TCF20: variants seen among roughly 807,000 people sequenced by gnomAD.
TCF20 encodes SPRE-binding protein.
TCF20 carries 3 observed loss-of-function variants against 148.6 expected under a neutral mutation model. That is an observed-to-expected ratio of 0.02 (90% CI 0.01 to 0.05). The LOEUF (loss-of-function observed/expected upper bound fraction) is 0.05, where lower values mean the gene tolerates loss of function less well. Among genes scored for constraint, TCF20 ranks in the 10% least tolerant of loss-of-function variants. TCF20 has a pLI of 1.00. For missense variants in TCF20, 2,350 were observed against 2,429.3 expected (o/e 0.97, Z 0.69); for synonymous variants, 1,049 against 909.5 (o/e 1.15, Z -2.76).
At chr22:42,219,297 C>A (rs1922109900) in intron 1 of TCF20, among the ~76,000 whole-genome samples, 1 of 134,640 alleles carries the variant, frequency 7.4e-6, no homozygotes, top group Admixed American at 8.4e-5. Flanking sequence ...GAGTTCGAGG[C>A]TGCAACGAGC....
At chr22:42,330,550 C>A (rs563906397) in intron 1 of TCF20, among the ~76,000 whole-genome samples, 5 of 152,346 alleles carry the variant, frequency 3.3e-5, no homozygotes, top group South Asian at 4.1e-4. Context: ...CCAAACCAGA[C>A]TGAAAACTCC....
intron 1 of TCF20, among the ~76,000 whole-genome samples, chr22:42,302,842 C>T (rs756229584): frequency 7.2e-5 from 11 of 152,216 alleles, no homozygotes; most frequent in South Asian, 2.1e-4. Context: ...GCTGGGACCC[C>T]GTCAGGTTCA....
At chr22:42,191,120 A>G (rs1312831668) in intron 2 of TCF20, among the ~76,000 whole-genome samples, 1 of 152,216 alleles carries the variant, frequency 6.6e-6, no homozygotes, top group Non-Finnish European at 1.5e-5. Context: ...GGAAAATTAA[A>G]GCATTACTCA....
intron 1 of TCF20, among the ~76,000 whole-genome samples, chr22:42,241,984 G>T (rs1047430005): frequency 6.6e-6 from 1 of 151,902 alleles, no homozygotes; most frequent in Admixed American, 6.6e-5. Flanking sequence ...GGGCAGATCA[G>T]GAAGTCAGGA....
intron 1 of TCF20, among the ~76,000 whole-genome samples, chr22:42,312,109 T>C (rs1187463548): frequency 6.6e-6 from 1 of 152,182 alleles, no homozygotes; most frequent in Non-Finnish European, 1.5e-5. Context: ...TGATAGGGTA[T>C]GTACTATATG....
chr22:42,210,114 G>A lies in TCF20; in HGVS notation c.5192C>T (p.Ala1731Val). Residue 1731 changes from alanine to valine, a missense_variant, in exon 2 of 6, where the codon GCC becomes GTC. Transcript: ENST00000677622. This position sits in a 1 kb window ranked among gnomAD's most constrained non-coding sequence, Gnocchi z 4.7. ...AGGAGGTGGATTCTTCGGGAGAGTGGCTGCATAATCTTGGGGATAAAAAGG... is the reference window on the plus strand; with the variant it reads ...AGGAGGTGGATTCTTCGGGAGAGTGACTGCATAATCTTGGGGATAAAAAGG... ...FGPFYPQDYAATLPKNPPPKR... is the reference protein window; with the variant it reads ...FGPFYPQDYAVTLPKNPPPKR... The A allele has an allele frequency of 6.2e-7, 1 of 1,614,114 alleles. No homozygotes were observed. Among genetic ancestry groups the A allele is most frequent in the African/African-American group, 1.3e-5 (1 of 75,030 alleles).
intron 2 of TCF20, 90 bp downstream of exon 2, chr22:42,209,561 A>C (rs1569141960): frequency 2.8e-6 from 4 of 1,420,980 alleles, no homozygotes; most frequent in Non-Finnish European, 3.8e-6. Flanking sequence ...TTGGAGGAAT[A>C]ATCATGTGAC....
rs765177363 is a variant in TCF20, at chr22:42,338,373, G to A, written c.-37+5106C>T. Among the ~76,000 whole-genome samples, 2 of 152,200 alleles carry A rather than the reference G, an allele frequency of 1.3e-5. No individual in the cohort carries two copies. Among genetic ancestry groups the A allele is most frequent in the African/African-American group, 4.8e-5 (2 of 41,442 alleles). On this transcript the variant is annotated intron_variant, in intron 1 of 1. Transcript: ENST00000515426. This position sits in a 1 kb window ranked among gnomAD's most constrained non-coding sequence, Gnocchi z 4.0. ...GCAGGCAGCAGATCTGCATTTTCACGGAGGCCTCAGGGGGACACAAAGCTT... is the reference window on the plus strand; with the variant it reads ...GCAGGCAGCAGATCTGCATTTTCACAGAGGCCTCAGGGGGACACAAAGCTT...
rs1329812715 is a variant in TCF20, at chr22:42,342,610, T to G, written c.-37+869A>C. On this transcript the variant is annotated intron_variant, in intron 1 of 1. Coordinates refer to the TCF20 transcript ENST00000515426. ...AGGCAGGGGCCTGCCAAGGGCCGGG[T>G]GTGTGGCTAGGCAGCCCCACCATGC... 3.3e-5 allele frequency among the ~76,000 whole-genome samples: 5 copies of G among 152,088 alleles called. No individual in the cohort carries two copies. In the East Asian group the frequency reaches 9.6e-4, roughly 29 times the overall value.
chr22:42,183,987 T>C (rs946223801), intron 2 of TCF20, among the ~76,000 whole-genome samples: 8 of 152,014 alleles, frequency 5.3e-5, no homozygotes, highest in Admixed American at 5.2e-4. Flanking sequence ...CAGGCTAGTC[T>C]TGAACTCCTG....
chr22:42,164,160 C>T (rs1028635949), intron 5 of TCF20, among the ~76,000 whole-genome samples: 6 of 151,764 alleles, frequency 4.0e-5, no homozygotes, highest in African/African-American at 7.3e-5. Context: ...TTAAGGGCAC[C>T]GATGGTCAGG....
intron 1 of TCF20, among the ~76,000 whole-genome samples, chr22:42,258,931 C>G (rs1467056609): frequency 1.3e-5 from 2 of 152,196 alleles, no homozygotes; most frequent in East Asian, 3.8e-4. Flanking sequence ...TTACTTTTCT[C>G]TAACAGCCAA....
chr22:42,182,818 C>A (rs1336232669), intron 2 of TCF20, among the ~76,000 whole-genome samples: 1 of 152,206 alleles, frequency 6.6e-6, no homozygotes, highest in Admixed American at 6.5e-5. Flanking sequence ...CTCACTGCAA[C>A]CTCCGACTCC....
At chr22:42,244,802 G>C (rs1237732311) in intron 1 of TCF20, among the ~76,000 whole-genome samples, 1 of 152,090 alleles carries the variant, frequency 6.6e-6, no homozygotes, top group Non-Finnish European at 1.5e-5. Context: ...AAATCTGGCT[G>C]GGCGCAGTGG....
rs143617414 is a variant in TCF20, at chr22:42,247,955, A to G, written c.-37+22384T>C. ...AAGTGACTTAAAAAGTGAATATTGT[A>G]GACTGATACAACCTTCTGGTTCATA... On this transcript the variant is annotated intron_variant, in intron 1 of 5. Transcript: ENST00000677622. Among the ~76,000 whole-genome samples the G allele has an allele frequency of 2.6e-3, 399 of 152,346 alleles. 2 individuals carry two copies. Among genetic ancestry groups the G allele is most frequent in the African/African-American group, 9.0e-3 (374 of 41,576 alleles).
At chr22:42,342,760 C>T (rs9620039) in intron 1 of TCF20, among the ~76,000 whole-genome samples, 56,646 of 152,034 alleles carry the variant, frequency 0.37, 11,386 homozygotes, top group Middle Eastern at 0.51. Context: ...GGATGACCCT[C>T]CCTCTAGGCC....
rs932379808 is a variant in TCF20, at chr22:42,193,499, TTTA to T, written c.5656-13800_5656-13798del. 5.3e-4 allele frequency among the ~76,000 whole-genome samples: 80 copies of T among 152,130 alleles called. 1 individual carries two copies. Among genetic ancestry groups the T allele is most frequent in the African/African-American group, 1.9e-3 (80 of 41,528 alleles). On this transcript the variant is annotated intron_variant, in intron 2 of 5. Coordinates refer to ENST00000677622, the MANE Select transcript of TCF20 (RefSeq NM_001378418.1). ...GGTGCATACCACTGCACTTGGCTGA[TTTA>T]TTTTTTGTAGAGATGGCATCTCACT...
chr22:42,322,758 GTGTC>G (rs1927757633), intron 1 of TCF20, among the ~76,000 whole-genome samples: 1 of 142,834 alleles, frequency 7.0e-6, no homozygotes, highest in Admixed American at 6.8e-5. Flanking sequence ...GAATGAATGA[GTGTC>G]TGAGTGAATG....
intron 1 of TCF20, among the ~76,000 whole-genome samples, chr22:42,243,081 C>T (rs995892326): frequency 3.3e-5 from 5 of 151,798 alleles, no homozygotes; most frequent in Admixed American, 2.6e-4. Flanking sequence ...GTACAGGTGA[C>T]TCCTGGGATA....
Sources: gnomAD v4.1 joint callset for allele counts (sites outside exome capture counted in the v4.1 genomes callset) on GRCh38, gnomAD v4.1.1 for gene constraint, Gnocchi (gnomAD v3.1) non-coding constraint, MANE v1.5 for transcripts, NCBI Gene and HGNC (gene_info 2026-07-23, HGNC 2026-07-21) for gene names.